TYW1: variants seen among roughly 807,000 people sequenced by gnomAD.
TYW1 encodes the protein S-adenosyl-L-methionine-dependent tRNA 4-demethylwyosine synthase TYW1.
A neutral mutation model predicts 96.2 loss-of-function variants in TYW1; 46 were observed. The ratio of observed to expected loss-of-function variants is 0.48; its 90% confidence interval spans 0.38 to 0.61. The LOEUF is 0.61. Among genes scored for constraint, TYW1 ranks in the 20% least tolerant of loss-of-function variants. The probability of loss-of-function intolerance (pLI) is 0.00; values close to 1 mark genes in which losing one functional copy is unlikely to be tolerated. For synonymous variants in TYW1, 274 were observed against 323.0 expected (o/e 0.85, Z 1.63); for missense variants, 684 against 909.6 (o/e 0.75, Z 3.19).
At chr7:67,227,561 C>T (rs915852289) in intron 15 of TYW1, among the ~76,000 whole-genome samples, 4 of 151,986 alleles carry the variant, frequency 2.6e-5, no homozygotes, top group Middle Eastern at 3.2e-3. Flanking sequence ...CCGGCCCCCA[C>T]ACCAGATATT....
intron 3 of TYW1, among the ~76,000 whole-genome samples, chr7:67,000,291 A>G (rs1793338974): frequency 6.6e-6 from 1 of 151,576 alleles, no homozygotes; most frequent in Admixed American, 6.6e-5. Context: ...GGTCACAGCT[A>G]TTTTAAAAAA....
intron 7 of TYW1, among the ~76,000 whole-genome samples, chr7:67,027,904 T>C (rs113004519): frequency 0.15 from 21,026 of 139,764 alleles, 1,879 homozygotes; most frequent in East Asian, 0.46. Context: ...CACTCCAGCC[T>C]GGGTGACAGA....
intron 14 of TYW1, among the ~76,000 whole-genome samples, chr7:67,183,595 C>T (rs562293096): frequency 1.2e-3 from 181 of 152,212 alleles, no homozygotes; most frequent in African/African-American, 4.1e-3. Flanking sequence ...CAGACATATA[C>T]GGAAGTAGAG....
Position 67,238,355 on chromosome 7 carries a change from C to G in TYW1, c.2025C>G (p.Phe675Leu), listed in dbSNP as rs543188464. The G allele has an allele frequency of 2.2e-5, 35 of 1,613,150 alleles. No homozygotes were observed. The highest frequency in any genetic ancestry group is 2.5e-5 in the Non-Finnish European group (30 of 1,179,668). The change falls in exon 16 of 16, where the codon TTC becomes TTG. Residue 675 changes from phenylalanine to leucine, a missense_variant. Coordinates refer to ENST00000359626, the MANE Select transcript of TYW1 (RefSeq NM_018264.4). ...GGACATGGATCGATTATAACCGCTT[C>G]CAGGAGCTCATCCAGGAATATGAAG... The part of the protein sequence containing the change: ...EWWTWIDYNR[F>L]QELIQEYEDS...
At chr7:67,064,588 AG>A (rs1795801579) in intron 9 of TYW1, among the ~76,000 whole-genome samples, 1 of 152,196 alleles carries the variant, frequency 6.6e-6, no homozygotes, top group African/African-American at 2.4e-5. Context: ...TGGTGGCAAG[AG>A]AAAATGAAGA....
At chr7:67,005,969 T>G (rs917710160) in intron 3 of TYW1, among the ~76,000 whole-genome samples, 20 of 152,310 alleles carry the variant, frequency 1.3e-4, no homozygotes, top group African/African-American at 4.8e-4. Flanking sequence ...GTTCTCCCAG[T>G]TCCTTTGGCT....
intron 15 of TYW1, among the ~76,000 whole-genome samples, chr7:67,228,572 G>A (rs1801639976): frequency 6.6e-6 from 1 of 152,172 alleles, no homozygotes; most frequent in South Asian, 2.1e-4. Flanking sequence ...TTTAAATAAA[G>A]AATGGTATAG....
intron 13 of TYW1, among the ~76,000 whole-genome samples, chr7:67,137,917 ACT>A (rs1277193045): frequency 3.9e-5 from 6 of 152,086 alleles, no homozygotes; most frequent in Non-Finnish European, 8.8e-5. Context: ...AGAGGCCCAC[ACT>A]CTCACACCAT....
intron 15 of TYW1, among the ~76,000 whole-genome samples, chr7:67,204,941 G>A (rs1800733447): frequency 6.6e-6 from 1 of 152,020 alleles, no homozygotes. Flanking sequence ...CATTTGTGAT[G>A]GCTACTTTAA....
intron 15 of TYW1, among the ~76,000 whole-genome samples, chr7:67,227,806 C>G: frequency 6.6e-6 from 1 of 152,180 alleles, no homozygotes; most frequent in Non-Finnish European, 1.5e-5. Flanking sequence ...TCTATAACCC[C>G]TCTGCGATAG....
chr7:67,034,180 T>G (rs1233320619), intron 7 of TYW1, among the ~76,000 whole-genome samples: 1 of 151,556 alleles, frequency 6.6e-6, no homozygotes, highest in African/African-American at 2.4e-5. Flanking sequence ...CTCAGCTCAC[T>G]GCAACCTCCT....
chr7:67,149,772 A>ATCTATCTATCTATCTC (rs757104825), intron 13 of TYW1, among the ~76,000 whole-genome samples: 2 of 82,882 alleles, frequency 2.4e-5, no homozygotes, highest in Admixed American at 1.1e-4. Flanking sequence ...CTATCTATCT[A>ATCTATCTATCTATCTC]TCTCTCTATG....
At chr7:67,081,143 G>C (rs1483521955) in intron 10 of TYW1, among the ~76,000 whole-genome samples, 2 of 148,434 alleles carry the variant, frequency 1.3e-5, no homozygotes, top group Non-Finnish European at 3.0e-5. Context: ...TAGTGGTGAT[G>C]AATTCCCTCA....
At chr7:67,145,845 C>T (rs531806607) in intron 13 of TYW1, among the ~76,000 whole-genome samples, 11 of 152,202 alleles carry the variant, frequency 7.2e-5, no homozygotes, top group South Asian at 2.1e-4. Flanking sequence ...GCCTCTGCCT[C>T]CTGGGCTTAA....
At chr7:67,118,878 GAAAAAAAAAAAAAAA>G (rs60194362) in intron 13 of TYW1, among the ~76,000 whole-genome samples, 3 of 72,260 alleles carry the variant, frequency 4.2e-5, no homozygotes, top group Non-Finnish European at 9.4e-5. Context: ...ACCCCTATCT[GAAAAAAAAAAAAAAA>G]AAAAAAAAAA....
chr7:67,182,291 A>G (rs922078563), intron 13 of TYW1, among the ~76,000 whole-genome samples: 4 of 152,226 alleles, frequency 2.6e-5, no homozygotes, highest in Non-Finnish European at 5.9e-5. Flanking sequence ...AGCTTGGCTC[A>G]GTGGTGTGTG....
intron 13 of TYW1, among the ~76,000 whole-genome samples, chr7:67,137,124 A>G (rs1273833188): frequency 6.6e-6 from 1 of 151,150 alleles, no homozygotes; most frequent in South Asian, 2.1e-4. Context: ...TTGTTTTGTT[A>G]TTTTCCTACA....
intron 14 of TYW1, among the ~76,000 whole-genome samples, chr7:67,191,862 C>T (rs1800228760): frequency 6.6e-6 from 1 of 151,760 alleles, no homozygotes; most frequent in Non-Finnish European, 1.5e-5. Flanking sequence ...GACTGCTTCC[C>T]TCAGAGGGTT....
chr7:67,069,269 T>C (rs1795962328), intron 10 of TYW1, among the ~76,000 whole-genome samples: 3 of 152,226 alleles, frequency 2.0e-5, no homozygotes, highest in Admixed American at 2.0e-4. Context: ...GAATTGATAT[T>C]ATTTGACTCA....
Sources: gnomAD v4.1 joint callset for allele counts (sites outside exome capture counted in the v4.1 genomes callset) on GRCh38, gnomAD v4.1.1 for gene constraint, MANE v1.5 for transcripts, NCBI Gene and HGNC (gene_info 2026-07-23, HGNC 2026-07-21) for gene names.